Variants in TBC1D32 observed in about 807,000 individuals in gnomAD.
TBC1D32 encodes protein broad-minded.
TBC1D32 carries 151 observed loss-of-function variants against 170.3 expected under a neutral mutation model. The observed-to-expected ratio is 0.89, with a 90% CI of 0.78 to 1.01. The LOEUF is 1.01. Among genes scored for constraint, TBC1D32 ranks in the 50% least tolerant of loss-of-function variants. The probability of loss-of-function intolerance (pLI) is 0.00; values close to 1 mark genes in which losing one functional copy is unlikely to be tolerated. For missense variants in TBC1D32, 1,464 were observed against 1,457.1 expected, an observed-to-expected ratio of 1.00 and a Z score of -0.08; for synonymous variants, 498 against 488.0, an observed-to-expected ratio of 1.02 and a Z score of -0.27.
chr6:121,246,563 C>T (rs12196448), intron 17 of TBC1D32, among the ~76,000 whole-genome samples: 3 of 151,404 alleles, frequency 2.0e-5, no homozygotes, highest in African/African-American at 4.9e-5. Flanking sequence ...GTAAATAATT[C>T]GGGAGGTTGA....
At chr6:121,326,268 A>C (rs1331014441) in intron 1 of TBC1D32, among the ~76,000 whole-genome samples, 1 of 152,200 alleles carries the variant, frequency 6.6e-6, no homozygotes, top group Non-Finnish European at 1.5e-5. Context: ...ATACAGCTAG[A>C]CAGGAGGAGT....
intron 24 of TBC1D32, among the ~76,000 whole-genome samples, chr6:121,159,149 G>A (rs2202066): frequency 0.69 from 104,672 of 152,154 alleles, 41,190 homozygotes; most frequent in Non-Finnish European, 0.87. Flanking sequence ...TTCTTTGGAA[G>A]AGTATCCTGC....
chr6:121,332,183 A>C (rs1313214711), intron 1 of TBC1D32, among the ~76,000 whole-genome samples: 4 of 152,208 alleles, frequency 2.6e-5, no homozygotes, highest in African/African-American at 9.6e-5. Flanking sequence ...ATTGATACAG[A>C]TAAAGCAATA....
chr6:121,223,182 C>T, intron 21 of TBC1D32, 54 bp downstream of exon 21: 5 of 1,153,156 alleles, frequency 4.3e-6, no homozygotes, highest in Non-Finnish European at 6.1e-6. Flanking sequence ...TTTTTACTAC[C>T]AATCTCAAAT....
intron 22 of TBC1D32, among the ~76,000 whole-genome samples, chr6:121,179,424 GGAA>G: frequency 6.6e-6 from 1 of 150,716 alleles, no homozygotes; most frequent in South Asian, 2.1e-4. Flanking sequence ...GCATTACCAT[GGAA>G]GAAGAGACCC....
chr6:121,314,516 C>T (rs530158993), intron 3 of TBC1D32, among the ~76,000 whole-genome samples: 1 of 152,274 alleles, frequency 6.6e-6, no homozygotes, highest in East Asian at 1.9e-4. Flanking sequence ...CTGCTTTAAA[C>T]ATGTTTGTGT....
intron 17 of TBC1D32, among the ~76,000 whole-genome samples, chr6:121,249,794 C>CA (rs1035242246): frequency 3.3e-5 from 5 of 150,596 alleles, no homozygotes; most frequent in Admixed American, 1.3e-4. Flanking sequence ...AAGATCTCTA[C>CA]AAAAAAAAAC....
intron 29 of TBC1D32, among the ~76,000 whole-genome samples, chr6:121,106,402 G>GA (rs1439038209): frequency 5.9e-5 from 9 of 151,838 alleles, no homozygotes; most frequent in Non-Finnish European, 1.2e-4. Flanking sequence ...CAAGACTCAG[G>GA]AAAAAAGTTA....
chr6:121,239,658 AT>A lies in TBC1D32; in HGVS notation c.2246-471del, dbSNP rs575930547. On this transcript the variant is annotated intron_variant, in intron 19 of 31. Coordinates refer to ENST00000398212, the MANE Select transcript of TBC1D32 (RefSeq NM_152730.6). ...ATGCTCCCTTATTCCAATATAACTA[AT>A]TTTTTTTTGTAATTCCATACACTAA... 1.1e-4 allele frequency among the ~76,000 whole-genome samples: 16 copies of A among 151,438 alleles called. No homozygotes were observed. In the South Asian group the frequency reaches 1.5e-3, roughly 14 times the overall value.
rs1379357440 is a variant in TBC1D32 at position 121,293,370 on chromosome 6, C to T, written c.1232-1177G>A. On this transcript the variant is annotated intron_variant, in intron 11 of 31. Transcript: ENST00000398212. ...ACACTTTCTCCTCCCCTACAAAACACTAGCTTTTGAAACCCATTAATTATT... is the reference window on the plus strand; with the variant it reads ...ACACTTTCTCCTCCCCTACAAAACATTAGCTTTTGAAACCCATTAATTATT... Among the ~76,000 whole-genome samples the T allele has an allele frequency of 2.6e-5, 4 of 152,264 alleles. No individual in the cohort carries two copies. In the South Asian group the frequency reaches 8.3e-4, roughly 32 times the overall value.
intron 22 of TBC1D32, among the ~76,000 whole-genome samples, chr6:121,199,625 ATG>A (rs1452106033): frequency 6.6e-6 from 1 of 151,208 alleles, no homozygotes; most frequent in Non-Finnish European, 1.5e-5. Context: ...TAAATTCTAG[ATG>A]TGTGTGTATA....
chr6:121,094,862 AC>A (rs1453193309), intron 30 of TBC1D32, among the ~76,000 whole-genome samples: 1 of 152,170 alleles, frequency 6.6e-6, no homozygotes, highest in Non-Finnish European at 1.5e-5. Flanking sequence ...ATTTGTGGAT[AC>A]GTATTTTCAA....
chr6:121,332,622 A>G (rs1474929063), intron 1 of TBC1D32, among the ~76,000 whole-genome samples: 1 of 152,188 alleles, frequency 6.6e-6, no homozygotes, highest in Non-Finnish European at 1.5e-5. Context: ...AACTCCATGT[A>G]AAATAAAAAC....
intron 31 of TBC1D32, among the ~76,000 whole-genome samples, chr6:121,088,941 G>A (rs915704478): frequency 2.6e-5 from 4 of 152,166 alleles, no homozygotes; most frequent in Admixed American, 1.3e-4. Flanking sequence ...AACATTTAAA[G>A]AGGTTAATAT....
intron 28 of TBC1D32, 36 bp from the exon 29 acceptor site, chr6:121,112,695 TGTAAG>T: frequency 2.0e-6 from 3 of 1,474,128 alleles, no homozygotes; most frequent in Non-Finnish European, 2.7e-6. Flanking sequence ...TACAATATTT[TGTAAG>T]ATAAAATATT....
At chr6:121,221,839 A>C (rs1433632908) in intron 21 of TBC1D32, among the ~76,000 whole-genome samples, 1 of 152,260 alleles carries the variant, frequency 6.6e-6, no homozygotes, top group South Asian at 2.1e-4. Flanking sequence ...AATAACAACA[A>C]AGGACTTAAA....
At chr6:121,126,498 T>C in intron 25 of TBC1D32, 37 bp from the exon 26 acceptor site, 1 of 1,476,538 alleles carries the variant, frequency 6.8e-7, no homozygotes, top group African/African-American at 1.4e-5. Context: ...ATATTAAAGG[T>C]CAGAATAATA....
intron 26 of TBC1D32, among the ~76,000 whole-genome samples, chr6:121,115,955 T>C (rs1582834143): frequency 6.6e-6 from 1 of 152,172 alleles, no homozygotes; most frequent in Admixed American, 6.6e-5. Flanking sequence ...TTGAGAACAG[T>C]AGAGGACCAA....
intron 22 of TBC1D32, among the ~76,000 whole-genome samples, chr6:121,190,113 C>CG: frequency 6.9e-6 from 1 of 145,692 alleles, no homozygotes; most frequent in East Asian, 2.0e-4. Context: ...CACACACACA[C>CG]ACACACACAC....
Sources: allele counts gnomAD v4.1 joint callset (sites outside exome capture counted in the v4.1 genomes callset), GRCh38; gene constraint gnomAD v4.1.1; transcripts MANE v1.5; gene names NCBI Gene and HGNC (gene_info 2026-07-23, HGNC 2026-07-21).